FBXO15: variants seen among roughly 807,000 people sequenced by gnomAD.
FBXO15 encodes the protein F-box only protein 15.
FBXO15 carries 30 observed loss-of-function variants against 49.5 expected under a neutral mutation model. The observed-to-expected ratio is 0.61, with a 90% CI of 0.45 to 0.82. The LOEUF is 0.82. FBXO15 is among the 40% of genes least tolerant of loss of function. FBXO15 has a pLI of 0.00. For missense variants in FBXO15, 591 were observed against 631.5 expected, an observed-to-expected ratio of 0.94 and a Z score of 0.69; for synonymous variants, 250 against 232.7, an observed-to-expected ratio of 1.07 and a Z score of -0.68.
intron 8 of FBXO15, among the ~76,000 whole-genome samples, chr18:74,091,192 C>T (rs537219904): frequency 3.9e-5 from 6 of 152,036 alleles, no homozygotes; most frequent in Non-Finnish European, 8.8e-5. Flanking sequence ...AAGTCTGTTT[C>T]GTCTGAAGTT....
intron 1 of FBXO15, chr18:74,147,204 G>A (rs916653720): frequency 1.3e-5 from 2 of 152,378 alleles, no homozygotes; most frequent in African/African-American, 4.8e-5. Flanking sequence ...CTGCCTGCCC[G>A]AGGTATCTGC....
rs61486308 is a variant in FBXO15 at position 74,110,164 on chromosome 18, CAT to C, written c.1138+13202_1138+13203del. Among the ~76,000 whole-genome samples, 866 of 129,436 alleles carry C rather than the reference CAT, an allele frequency of 6.7e-3. 2 individuals are homozygous for C. The highest frequency in any genetic ancestry group is 0.021 in the African/African-American group (636 of 30,158). The allele number at this position is 129,436 out of a possible 152,430, so 84.9% of individuals were successfully genotyped here. A position where few individuals can be genotyped will look rare whatever the true frequency, so the allele number is the denominator to read the frequency against. On this transcript the variant is annotated intron_variant, in intron 8 of 9. Transcript: ENST00000419743. ...ATTCTAATATATATACATATGTGTG[CAT>C]ATATATATATATATACACATATGTG...
chr18:74,083,460 C>T (rs1489372658), intron 8 of FBXO15, among the ~76,000 whole-genome samples: 4 of 152,192 alleles, frequency 2.6e-5, no homozygotes, highest in Admixed American at 6.5e-5. Flanking sequence ...ACTGCAGCCA[C>T]GTGCAAAACC....
At chr18:74,137,736 G>A (rs1449522033) in intron 2 of FBXO15, among the ~76,000 whole-genome samples, 5 of 152,168 alleles carry the variant, frequency 3.3e-5, no homozygotes, top group African/African-American at 1.2e-4. Flanking sequence ...AGGATGATAG[G>A]GAGATAAGGG....
rs1384589038 is a variant in FBXO15, at chr18:74,117,213, A to G, written c.1138+6155T>C. On this transcript the variant is annotated intron_variant, in intron 8 of 9. Coordinates refer to ENST00000419743, the MANE Select transcript of FBXO15 (RefSeq NM_001142958.2). ...TAGTGCAACCATGGGAAGTAGAAAT[A>G]TATTTGAGTCCACCTTGGAAATCCT... is the stretch of plus-strand genomic sequence containing the variant. 3.3e-5 allele frequency among the ~76,000 whole-genome samples: 5 copies of G among 152,304 alleles called. No homozygotes were observed. In the East Asian group the frequency reaches 7.7e-4, roughly 24 times the overall value.
rs1022160413 is a variant in FBXO15 at position 74,090,881 on chromosome 18, T to C, written c.1139-8830A>G. ...ACAGATGAGAAGAGCGTATATTCTG[T>C]TGTTTTGGGGTGAAGTGTTCTGTAC... On this transcript the variant is annotated intron_variant, in intron 8 of 9. Coordinates refer to ENST00000419743, the MANE Select transcript of FBXO15 (RefSeq NM_001142958.2). Among the ~76,000 whole-genome samples, 8 of 152,140 alleles carry C rather than the reference T, an allele frequency of 5.3e-5. 1 individual carries two copies. Among genetic ancestry groups the C allele is most frequent in the Admixed American group, 4.6e-4 (7 of 15,268 alleles).
intron 9 of FBXO15, among the ~76,000 whole-genome samples, chr18:74,079,005 T>C (rs774925610): frequency 1.2e-4 from 19 of 152,336 alleles, no homozygotes; most frequent in African/African-American, 4.6e-4. Flanking sequence ...TGACCCACGA[T>C]GTACCCACAG....
intron 7 of FBXO15, 23 bp from the exon 8 acceptor site, chr18:74,123,533 CA>C: frequency 6.3e-7 from 1 of 1,577,592 alleles, no homozygotes; most frequent in Non-Finnish European, 8.6e-7. Flanking sequence ...ACAAAAGAAA[CA>C]TACAAATTTG....
intron 8 of FBXO15, among the ~76,000 whole-genome samples, chr18:74,119,050 C>T (rs1401611134): frequency 5.9e-5 from 9 of 152,166 alleles, no homozygotes; most frequent in Non-Finnish European, 1.3e-4. Flanking sequence ...CTCCCCAGGC[C>T]CTGGGAGGCG....
At chr18:74,092,862 C>T (rs1437749870) in intron 8 of FBXO15, among the ~76,000 whole-genome samples, 4 of 151,900 alleles carry the variant, frequency 2.6e-5, no homozygotes, top group African/African-American at 4.8e-5. Context: ...CATGGGCGAG[C>T]AGCAGCAGCA....
At chr18:74,089,892 C>T (rs1453577091) in intron 8 of FBXO15, among the ~76,000 whole-genome samples, 1 of 152,064 alleles carries the variant, frequency 6.6e-6, no homozygotes, top group African/African-American at 2.4e-5. Context: ...TTAATTGTGT[C>T]TCTGCCAGGT....
intron 5 of FBXO15, among the ~76,000 whole-genome samples, chr18:74,129,066 C>A (rs749220280): frequency 6.6e-6 from 1 of 151,938 alleles, no homozygotes; most frequent in African/African-American, 2.4e-5. Flanking sequence ...GATTAGTATA[C>A]CATTTACTAA....
At chr18:74,099,508 A>C (rs1053337214) in intron 8 of FBXO15, 2 of 152,212 alleles carry the variant, frequency 1.3e-5, no homozygotes, top group Non-Finnish European at 2.9e-5. Context: ...TAAAACAAAA[A>C]TACAATTAAA....
intron 8 of FBXO15, among the ~76,000 whole-genome samples, chr18:74,110,324 T>C (rs1324705236): frequency 6.6e-6 from 1 of 151,620 alleles, no homozygotes; most frequent in Non-Finnish European, 1.5e-5. Context: ...TGGCAGAATG[T>C]TATTTGAAAG....
chr18:74,145,674 T>C (rs1979366544), intron 1 of FBXO15, among the ~76,000 whole-genome samples: 1 of 144,458 alleles, frequency 6.9e-6, no homozygotes, highest in African/African-American at 2.6e-5. Context: ...CTCGGCTCAC[T>C]GCAAGCTCCG....
Position 74,093,268 on chromosome 18 carries a change from G to GGC in FBXO15, c.1139-11218_1139-11217insGC, listed in dbSNP as rs1555676388. 4.5e-4 allele frequency among the ~76,000 whole-genome samples: 64 copies of GGC among 142,390 alleles called. 1 individual carries two copies. The highest frequency in any genetic ancestry group is 1.4e-3 in the African/African-American group (58 of 40,454). 93.4% of individuals were successfully genotyped at this position (142,390 alleles called of 152,430 possible). A position where few individuals can be genotyped will look rare whatever the true frequency, so the allele number is the denominator to read the frequency against. Reference sequence around the variant, plus strand: ...CACGTGTGCTGGCAAAACAATGGGGGGGGGGTGGCTGCAGACAAGTACATG... The same window carrying GGC: ...CACGTGTGCTGGCAAAACAATGGGGGGCGGGGGTGGCTGCAGACAAGTACATG... On this transcript the variant is annotated intron_variant, in intron 8 of 9. Coordinates refer to ENST00000419743, the MANE Select transcript of FBXO15 (RefSeq NM_001142958.2).
chr18:74,131,790 G>A (rs1978409039), intron 3 of FBXO15, among the ~76,000 whole-genome samples: 1 of 152,206 alleles, frequency 6.6e-6, no homozygotes, highest in Non-Finnish European at 1.5e-5. Context: ...AGCAGCATGG[G>A]ATGAAGCAGT....
At chr18:74,105,917 A>C (rs1388909113) in intron 8 of FBXO15, among the ~76,000 whole-genome samples, 1 of 152,232 alleles carries the variant, frequency 6.6e-6, no homozygotes, top group Non-Finnish European at 1.5e-5. Flanking sequence ...AAGATATTTT[A>C]AAATCTGGCC....
At chr18:74,109,960 C>T (rs1051087238) in intron 8 of FBXO15, among the ~76,000 whole-genome samples, 2 of 151,378 alleles carry the variant, frequency 1.3e-5, no homozygotes, top group African/African-American at 4.9e-5. Flanking sequence ...CACCTGTACC[C>T]TAGAACTTAA....
Sources: gnomAD v4.1 joint callset for allele counts (sites outside exome capture counted in the v4.1 genomes callset) on GRCh38, gnomAD v4.1.1 for gene constraint, MANE v1.5 for transcripts, NCBI Gene and HGNC (gene_info 2026-07-23, HGNC 2026-07-21) for gene names.